Variants in SEMA3E observed in about 807,000 individuals in gnomAD.
SEMA3E encodes semaphorin 3E, also known as semaphorin-3E.
Under a neutral mutation model 93.6 loss-of-function variants are expected in SEMA3E, and 49 were observed. The ratio of observed to expected loss-of-function variants is 0.52; its 90% CI spans 0.42 to 0.66. The LOEUF (loss-of-function observed/expected upper bound fraction) is 0.66, where lower values mean the gene tolerates loss of function less well. Among genes scored for constraint, SEMA3E ranks in the 30% least tolerant of loss-of-function variants. The pLI is 0.00. For missense variants in SEMA3E, 906 were observed against 964.8 expected, an observed-to-expected ratio of 0.94 and a Z score of 0.81; for synonymous variants, 363 against 330.7, an observed-to-expected ratio of 1.10 and a Z score of -1.06.
chr7:83,461,021 C>T (rs1282724023), intron 4 of SEMA3E, among the ~76,000 whole-genome samples: 1 of 152,062 alleles, frequency 6.6e-6, no homozygotes, highest in Non-Finnish European at 1.5e-5. Context: ...ACCTAAATGC[C>T]TTATTTTCTT....
intron 4 of SEMA3E, among the ~76,000 whole-genome samples, chr7:83,452,329 A>G (rs994470316): frequency 5.3e-5 from 8 of 149,942 alleles, no homozygotes; most frequent in East Asian, 1.9e-4. Context: ...CAAGTGGGGG[A>G]AAAAAAAGCC....
chr7:83,549,693 G>T (rs1791721248), intron 1 of SEMA3E, among the ~76,000 whole-genome samples: 1 of 151,880 alleles, frequency 6.6e-6, no homozygotes, highest in Non-Finnish European at 1.5e-5. Flanking sequence ...ATGTAAAAAT[G>T]ACTTTATCCA....
intron 4 of SEMA3E, among the ~76,000 whole-genome samples, chr7:83,420,611 G>T (rs946282756): frequency 2.0e-5 from 3 of 152,086 alleles, no homozygotes; most frequent in African/African-American, 7.2e-5. Context: ...GCTTGGTATT[G>T]GTACAAGAGC....
At position 83,367,180 on chromosome 7, in the gene SEMA3E, TG is replaced by T. The variant is rs769122217; in HGVS notation, c.*405del. 3.0e-4 allele frequency: 65 copies of T among 218,806 alleles called. No homozygotes were observed. The highest frequency in any genetic ancestry group is 5.0e-4 in the Non-Finnish European group (55 of 108,998). 13.6% of individuals were successfully genotyped at this position (218,806 alleles called of 1,614,324 possible). A position where few individuals can be genotyped will look rare whatever the true frequency, so the allele number is the denominator to read the frequency against. On this transcript the variant is annotated 3_prime_UTR_variant, in exon 17 of 17. Coordinates refer to ENST00000643230, the MANE Select transcript of SEMA3E (RefSeq NM_012431.3). ...GTATTCTGCATATCTTACATTGTGATGGAAAAGAAAAATTCAGAAATATTAA... is the reference window on the plus strand; with the variant it reads ...GTATTCTGCATATCTTACATTGTGATGAAAAGAAAAATTCAGAAATATTAA...
At chr7:83,584,558 A>G (rs1792581822) in intron 1 of SEMA3E, among the ~76,000 whole-genome samples, 1 of 152,278 alleles carries the variant, frequency 6.6e-6, no homozygotes, top group South Asian at 2.1e-4. Flanking sequence ...ATGCTGTCTC[A>G]GGAAGCAGTT....
At chr7:83,568,776 G>GA in intron 1 of SEMA3E, among the ~76,000 whole-genome samples, 1 of 152,132 alleles carries the variant, frequency 6.6e-6, no homozygotes, top group Admixed American at 6.5e-5. Flanking sequence ...TACAGAATGA[G>GA]AAAAAAGCTG....
At chr7:83,512,760 A>T (rs1790852292) in intron 1 of SEMA3E, among the ~76,000 whole-genome samples, 1 of 152,236 alleles carries the variant, frequency 6.6e-6, no homozygotes, top group Non-Finnish European at 1.5e-5. Context: ...CAACGTATAT[A>T]CATTGTGCCT....
At chr7:83,489,988 T>A in intron 2 of SEMA3E, 126 bp downstream of exon 2, 1 of 863,014 alleles carries the variant, frequency 1.2e-6, no homozygotes, top group South Asian at 1.6e-5. Context: ...TTAACTAATA[T>A]TTTATTTAAA....
At chr7:83,449,594 T>G (rs540566338) in intron 4 of SEMA3E, among the ~76,000 whole-genome samples, 1 of 152,214 alleles carries the variant, frequency 6.6e-6, no homozygotes, top group African/African-American at 2.4e-5. Flanking sequence ...ATCAAAAGCT[T>G]ATATCATTAA....
intron 1 of SEMA3E, among the ~76,000 whole-genome samples, chr7:83,606,551 G>T (rs1793123052): frequency 7.1e-6 from 1 of 141,384 alleles, no homozygotes; most frequent in African/African-American, 2.7e-5. Context: ...GCATAGGTGG[G>T]AATTGAACAA....
chr7:83,600,486 A>ATTTTTTTTTTTTTTTTTTTT lies in SEMA3E; in HGVS notation c.115+47922_115+47941dup, dbSNP rs71522671. Among the ~76,000 whole-genome samples, 3 of 63,076 alleles carry ATTTTTTTTTTTTTTTTTTTT rather than the reference A, an allele frequency of 4.8e-5. 1 individual carries two copies. The highest frequency in any genetic ancestry group is 8.9e-5 in the Non-Finnish European group (3 of 33,836). The allele number at this position is 63,076 out of a possible 152,430, so 41.4% of individuals were successfully genotyped here. A position where few individuals can be genotyped will look rare whatever the true frequency, so the allele number is the denominator to read the frequency against. The stretch of plus-strand genomic sequence containing the variant: ...AGGCGCCCGCCACCACGCCCAGCTA[A>ATTTTTTTTTTTTTTTTTTTT]TTTTTTTTTTTTTTTTTTTTTTTTT... On this transcript the variant is annotated intron_variant, in intron 1 of 16. Coordinates refer to ENST00000643230, the MANE Select transcript of SEMA3E (RefSeq NM_012431.3).
At chr7:83,466,843 T>G (rs1194574128) in intron 3 of SEMA3E, among the ~76,000 whole-genome samples, 8 of 152,138 alleles carry the variant, frequency 5.3e-5, no homozygotes, top group Non-Finnish European at 1.0e-4. Flanking sequence ...TGCATCATTT[T>G]TCATGTATTC....
intron 2 of SEMA3E, among the ~76,000 whole-genome samples, chr7:83,469,838 C>A (rs1789855893): frequency 6.6e-6 from 1 of 151,976 alleles, no homozygotes; most frequent in Admixed American, 6.6e-5. Flanking sequence ...GCTCTGTCAC[C>A]CAGGCTGGAG....
intron 1 of SEMA3E, among the ~76,000 whole-genome samples, chr7:83,513,976 G>T (rs1790877253): frequency 6.6e-6 from 1 of 152,116 alleles, no homozygotes; most frequent in Non-Finnish European, 1.5e-5. Context: ...GGATGAGATA[G>T]GAGGTCAGCA....
rs185918729 is a variant in SEMA3E, at chr7:83,439,056, T to C, written c.457-20573A>G. On this transcript the variant is annotated intron_variant, in intron 4 of 16. Coordinates refer to ENST00000643230, the MANE Select transcript of SEMA3E (RefSeq NM_012431.3). ...AACAAAGATGCTTTTTATAAAACCA[T>C]GAATATCTACTTTTCATGGGAAGGA... Among the ~76,000 whole-genome samples the C allele has an allele frequency of 5.0e-3, 754 of 152,310 alleles. 7 individuals are homozygous for C. The highest frequency in any genetic ancestry group is 0.017 in the African/African-American group (709 of 41,582).
intron 5 of SEMA3E, among the ~76,000 whole-genome samples, chr7:83,415,134 C>G (rs1788516128): frequency 6.6e-6 from 1 of 152,058 alleles, no homozygotes. Flanking sequence ...AAGATAATTA[C>G]TAAGTATATT....
At chr7:83,394,959 C>T (rs888031063) in intron 12 of SEMA3E, among the ~76,000 whole-genome samples, 8 of 152,148 alleles carry the variant, frequency 5.3e-5, no homozygotes, top group African/African-American at 1.9e-4. Flanking sequence ...GCACAATAAA[C>T]TCAGATCAGC....
chr7:83,581,577 T>G (rs1158944785), intron 1 of SEMA3E, among the ~76,000 whole-genome samples: 1 of 152,040 alleles, frequency 6.6e-6, no homozygotes. Context: ...GTTTCCAATT[T>G]AATAAATTGA....
chr7:83,564,555 A>T (rs912520553), intron 1 of SEMA3E, among the ~76,000 whole-genome samples: 2 of 152,216 alleles, frequency 1.3e-5, no homozygotes, highest in Non-Finnish European at 2.9e-5. Flanking sequence ...CCTAATCTTT[A>T]CTAAAATATT....
Sources: allele counts gnomAD v4.1 joint callset (sites outside exome capture counted in the v4.1 genomes callset), GRCh38; gene constraint gnomAD v4.1.1; transcripts MANE v1.5; gene names NCBI Gene and HGNC (gene_info 2026-07-23, HGNC 2026-07-21).